NPTN: variants seen among roughly 807,000 people sequenced by gnomAD.
NPTN encodes SDR-1.
In NPTN, 5 loss-of-function variants were observed where a neutral mutation model predicts 42.7. The ratio of observed to expected loss-of-function variants is 0.12; its 90% CI spans 0.06 to 0.25. The LOEUF is 0.25. NPTN is among the 10% of genes least tolerant of loss of function. The probability of loss-of-function intolerance (pLI) is 1.00; values close to 1 mark genes in which losing one functional copy is unlikely to be tolerated. For synonymous variants in NPTN, 180 were observed against 201.9 expected (o/e 0.89, Z 0.92); for missense variants, 307 against 525.4 (o/e 0.58, Z 4.06).
chr15:73,626,844 T>C (rs1898440442), intron 1 of NPTN, among the ~76,000 whole-genome samples: 2 of 152,210 alleles, frequency 1.3e-5, no homozygotes, highest in South Asian at 4.1e-4. Context: ...TTCAGAGTGA[T>C]TTCATACCAT....
chr15:73,616,220 A>G (rs978395341), intron 1 of NPTN, among the ~76,000 whole-genome samples: 12 of 152,148 alleles, frequency 7.9e-5, no homozygotes, highest in African/African-American at 1.9e-4. Flanking sequence ...ATTATGAACC[A>G]AAGGTACAAA....
intron 4 of NPTN, among the ~76,000 whole-genome samples, chr15:73,585,861 G>C (rs1398627672): frequency 6.6e-6 from 1 of 152,130 alleles, no homozygotes. Flanking sequence ...GTTGTAACTT[G>C]CTCTGAAAAT....
chr15:73,622,657 C>T (rs902084389), intron 1 of NPTN, among the ~76,000 whole-genome samples: 1 of 152,076 alleles, frequency 6.6e-6, no homozygotes, highest in African/African-American at 2.4e-5. Context: ...TAAAACAATG[C>T]TACTCTAACC....
chr15:73,621,075 T>C (rs776198219), intron 1 of NPTN, among the ~76,000 whole-genome samples: 1 of 152,128 alleles, frequency 6.6e-6, no homozygotes, highest in Non-Finnish European at 1.5e-5. Flanking sequence ...GCTACAAAAA[T>C]TTGCTATAAA....
intron 1 of NPTN, among the ~76,000 whole-genome samples, chr15:73,622,499 T>A (rs866233450): frequency 0.026 from 3,268 of 123,650 alleles, 111 homozygotes; most frequent in African/African-American, 0.076. Flanking sequence ...AGAATTGTTT[T>A]AAAAAAAAAA....
chr15:73,628,774 T>C (rs1898572297), intron 1 of NPTN, among the ~76,000 whole-genome samples: 2 of 152,028 alleles, frequency 1.3e-5, no homozygotes, highest in African/African-American at 4.8e-5. Context: ...TATTTTTATT[T>C]AAACTTTATT....
At chr15:73,620,069 A>T (rs1898061321) in intron 1 of NPTN, among the ~76,000 whole-genome samples, 3 of 152,206 alleles carry the variant, frequency 2.0e-5, no homozygotes, top group African/African-American at 4.8e-5. Context: ...AATTCATAAT[A>T]TAATCCTTTG....
In NPTN at chr15:73,598,939, T is replaced by C. The variant is rs75360933; in HGVS notation, c.92-1570A>G. Among the ~76,000 whole-genome samples, 309 of 152,348 alleles carry C rather than the reference T, an allele frequency of 2.0e-3. 1 individual carries two copies. The highest frequency in any genetic ancestry group is 7.2e-3 in the African/African-American group (298 of 41,586). On this transcript the variant is annotated intron_variant, in intron 1 of 8. Transcript: ENST00000345330. Reference sequence around the variant, plus strand: ...ACTAAGAACATTAATGGAGGTACTATACTTACTCAAGTAGAGGCCAAGACC... The same window carrying C: ...ACTAAGAACATTAATGGAGGTACTACACTTACTCAAGTAGAGGCCAAGACC...
At chr15:73,632,872 G>A in intron 1 of NPTN, 1 of 375,220 alleles carries the variant, frequency 2.7e-6, no homozygotes, top group Non-Finnish European at 4.7e-6. Context: ...CGAGCCCCAC[G>A]ACGTGGAGCC....
chr15:73,586,461 A>C (rs1896323662), intron 4 of NPTN, among the ~76,000 whole-genome samples: 1 of 152,212 alleles, frequency 6.6e-6, no homozygotes, highest in Non-Finnish European at 1.5e-5. Context: ...CAGCTGGAGG[A>C]GGCAGTGGCC....
At chr15:73,612,306 G>A (rs1256432731) in intron 1 of NPTN, among the ~76,000 whole-genome samples, 2 of 151,766 alleles carry the variant, frequency 1.3e-5, no homozygotes, top group Non-Finnish European at 2.9e-5. Context: ...TATAGTCCCA[G>A]CTACTCAAGA....
chr15:73,577,782 A>AC (rs1461299779), intron 4 of NPTN, among the ~76,000 whole-genome samples: 6 of 151,854 alleles, frequency 4.0e-5, no homozygotes, highest in African/African-American at 1.2e-4. Context: ...TGATCCTGTG[A>AC]CCCCCACCCA....
At chr15:73,588,387 C>T (rs528699412) in intron 3 of NPTN, among the ~76,000 whole-genome samples, 10 of 152,192 alleles carry the variant, frequency 6.6e-5, no homozygotes, top group South Asian at 6.2e-4. Context: ...TAGGAGCATG[C>T]GTTTCCACAA....
intron 4 of NPTN, 68 bp from the exon 5 acceptor site, chr15:73,573,863 T>TGTATCCAAACAGGATACAAAGGCCC (rs1206379411): frequency 1.3e-6 from 2 of 1,572,046 alleles, no homozygotes; most frequent in African/African-American, 2.7e-5. Flanking sequence ...GGCCCCACCT[T>TGTATCCAAACAGGATACAAAGGCCC]CTGGCTCAGA....
At chr15:73,568,811 C>G in intron 6 of NPTN, 1 of 985,516 alleles carries the variant, frequency 1.0e-6, no homozygotes, top group Non-Finnish European at 1.2e-6. Flanking sequence ...TCAGTGTCAT[C>G]AACAAACCTC....
intron 6 of NPTN, chr15:73,567,968 G>A (rs1023292532): frequency 1.0e-6 from 1 of 985,302 alleles, no homozygotes; most frequent in Middle Eastern, 5.2e-4. Context: ...TCTTTTAAGG[G>A]TAGGATTCAT....
At chr15:73,590,621 A>AAC (rs1896542145) in intron 3 of NPTN, among the ~76,000 whole-genome samples, 1 of 151,856 alleles carries the variant, frequency 6.6e-6, no homozygotes, top group African/African-American at 2.4e-5. Flanking sequence ...AAAAAAAAAA[A>AAC]AAAATTACCC....
chr15:73,630,788 A>G (rs965126633), intron 1 of NPTN, among the ~76,000 whole-genome samples: 2 of 152,274 alleles, frequency 1.3e-5, no homozygotes, highest in Non-Finnish European at 2.9e-5. Flanking sequence ...AAGAAAACAC[A>G]AACTCCATGA....
rs1897301487 is a variant in NPTN, at chr15:73,606,510, AAG to A, written c.92-9143_92-9142del. Among the ~76,000 whole-genome samples the A allele has an allele frequency of 5.3e-5, 8 of 152,190 alleles. No individual in the cohort carries two copies. In the South Asian group the frequency reaches 1.7e-3, roughly 31 times the overall value. On this transcript the variant is annotated intron_variant, in intron 1 of 8. Transcript: ENST00000345330. ...ATGCACACAAATAAGCTATATCTTA[AAG>A]AGAGTTATTAATGAAAGGTCTGGTT...
Sources: allele counts gnomAD v4.1 joint callset (sites outside exome capture counted in the v4.1 genomes callset), GRCh38; gene constraint gnomAD v4.1.1; transcripts MANE v1.5; gene names NCBI Gene and HGNC (gene_info 2026-07-23, HGNC 2026-07-21).